The following OSBPL8 variants were observed in gnomAD, a reference collection of about 807,000 sequenced individuals.
OSBPL8 encodes the protein oxysterol-binding protein-related protein 8.
OSBPL8 carries 59 observed loss-of-function variants against 125.5 expected under a neutral mutation model. The ratio of observed to expected loss-of-function variants is 0.47; its 90% CI spans 0.38 to 0.58. The LOEUF is 0.58. Among genes scored for constraint, OSBPL8 ranks in the 20% least tolerant of loss-of-function variants. The pLI, the probability that OSBPL8 is intolerant of heterozygous loss-of-function variation, is 0.00. For missense variants in OSBPL8, 758 were observed against 1,047.8 expected (o/e 0.72, Z 3.82); for synonymous variants, 330 against 338.9 (o/e 0.97, Z 0.29).
intron 1 of OSBPL8, among the ~76,000 whole-genome samples, chr12:76,559,039 G>A (rs1446589438): frequency 2.6e-5 from 4 of 152,218 alleles, no homozygotes; most frequent in Admixed American, 2.6e-4. Flanking sequence ...GAGCGACAAA[G>A]CGCCAGCTCT....
intron 1 of OSBPL8, among the ~76,000 whole-genome samples, chr12:76,550,647 C>T (rs73385578): frequency 0.052 from 7,954 of 152,190 alleles, 536 homozygotes; most frequent in African/African-American, 0.16. Context: ...TGTGTTGGGC[C>T]GCATTCAAAA....
At chr12:76,367,627 TTTC>T (rs2136180420) in intron 21 of OSBPL8, among the ~76,000 whole-genome samples, 3 of 152,288 alleles carry the variant, frequency 2.0e-5, no homozygotes, top group South Asian at 2.1e-4. Flanking sequence ...ACGTTTTTTG[TTTC>T]TTATTTACTC....
intron 3 of OSBPL8, among the ~76,000 whole-genome samples, chr12:76,458,189 T>C (rs1252420504): frequency 6.6e-6 from 1 of 152,086 alleles, no homozygotes; most frequent in Non-Finnish European, 1.5e-5. Context: ...GGAAGATCGC[T>C]TGAGTCTAGG....
intron 1 of OSBPL8, among the ~76,000 whole-genome samples, chr12:76,530,109 G>A (rs1259253426): frequency 6.6e-6 from 1 of 151,810 alleles, no homozygotes; most frequent in Non-Finnish European, 1.5e-5. Flanking sequence ...TCAGGAGTGT[G>A]GTGGCAAGAT....
At chr12:76,440,848 A>G (rs2136657333) in intron 4 of OSBPL8, among the ~76,000 whole-genome samples, 1 of 152,300 alleles carries the variant, frequency 6.6e-6, no homozygotes, top group East Asian at 1.9e-4. Context: ...AGAAATTAGC[A>G]GATGCTGGCT....
At chr12:76,400,079 T>C (rs575804982) in intron 6 of OSBPL8, 105 bp from the exon 7 acceptor site, 1 of 779,644 alleles carries the variant, frequency 1.3e-6, no homozygotes, top group African/African-American at 1.8e-5. Flanking sequence ...TAAACCTGTG[T>C]CATGGGGTTT....
intron 2 of OSBPL8, among the ~76,000 whole-genome samples, chr12:76,478,985 T>G (rs1877146874): frequency 1.3e-5 from 2 of 152,134 alleles, no homozygotes; most frequent in South Asian, 4.1e-4. Context: ...CTCGGGAGGC[T>G]GAGGCAGGAG....
chr12:76,409,388 C>G (rs1350120089), intron 5 of OSBPL8, among the ~76,000 whole-genome samples: 1 of 152,200 alleles, frequency 6.6e-6, no homozygotes, highest in African/African-American at 2.4e-5. Context: ...CAACCTTTGT[C>G]CAATCATACT....
At chr12:76,517,600 A>C (rs1881677500) in intron 1 of OSBPL8, among the ~76,000 whole-genome samples, 1 of 152,204 alleles carries the variant, frequency 6.6e-6, no homozygotes, top group Non-Finnish European at 1.5e-5. Flanking sequence ...TCCGTTATGT[A>C]CTAGTCCAGT....
At chr12:76,434,714 G>A (rs1054028557) in intron 4 of OSBPL8, among the ~76,000 whole-genome samples, 11 of 152,086 alleles carry the variant, frequency 7.2e-5, no homozygotes, top group Non-Finnish European at 1.3e-4. Flanking sequence ...GACCTGAACA[G>A]GCATTTCTCA....
intron 2 of OSBPL8, among the ~76,000 whole-genome samples, chr12:76,482,092 T>C (rs1235182364): frequency 1.3e-5 from 2 of 152,192 alleles, no homozygotes; most frequent in African/African-American, 4.8e-5. Flanking sequence ...TTCCTTCCAC[T>C]TCAGAAAGCT....
intron 3 of OSBPL8, among the ~76,000 whole-genome samples, chr12:76,451,458 CTCTAATT>C (rs1365371532): frequency 6.6e-6 from 1 of 152,112 alleles, no homozygotes; most frequent in Non-Finnish European, 1.5e-5. Context: ...AGAATTTCTA[CTCTAATT>C]TCTAATTTTC....
At chr12:76,418,703 A>G (rs944310371) in intron 4 of OSBPL8, among the ~76,000 whole-genome samples, 2 of 151,922 alleles carry the variant, frequency 1.3e-5, no homozygotes, top group Non-Finnish European at 2.9e-5. Context: ...GTGGTAGCAC[A>G]TGCCTGTAAT....
At chr12:76,456,371 T>C (rs1018273168) in intron 3 of OSBPL8, among the ~76,000 whole-genome samples, 3 of 152,152 alleles carry the variant, frequency 2.0e-5, no homozygotes, top group African/African-American at 7.2e-5. Context: ...AATGTGTATT[T>C]AGGGACTGGG....
At chr12:76,503,224 T>C (rs1880083144) in intron 1 of OSBPL8, among the ~76,000 whole-genome samples, 1 of 152,208 alleles carries the variant, frequency 6.6e-6, no homozygotes, top group Non-Finnish European at 1.5e-5. Context: ...TATTTCCTCA[T>C]AGGTCTGGAG....
rs1394314151 is a variant in OSBPL8, at chr12:76,393,957, T to C, written c.757+688A>G. On this transcript the variant is annotated intron_variant, in intron 9 of 23. Transcript: ENST00000261183. ...ATCACTTATACCAGGGAGTCAGAGG[T>C]TGCAGTGAGCCGAGATCGTGCCACT... is the stretch of plus-strand genomic sequence containing the variant. Among the ~76,000 whole-genome samples the C allele has an allele frequency of 2.6e-5, 4 of 152,086 alleles. No homozygotes were observed. The East Asian group carries it at 7.7e-4, about 29-fold the overall frequency.
At chr12:76,417,225 G>A (rs1868795811) in intron 4 of OSBPL8, among the ~76,000 whole-genome samples, 1 of 152,188 alleles carries the variant, frequency 6.6e-6, no homozygotes, top group Admixed American at 6.5e-5. Flanking sequence ...CCTTTTGCCT[G>A]AAGTACACCT....
At position 76,408,551 on chromosome 12, in the gene OSBPL8, T is replaced by C. The variant is rs556239684; in HGVS notation, c.288+2013A>G. Among the ~76,000 whole-genome samples, 27 of 151,864 alleles carry C rather than the reference T, an allele frequency of 1.8e-4. 1 individual carries two copies. In the South Asian group the frequency reaches 5.4e-3, roughly 31 times the overall value. On this transcript the variant is annotated intron_variant, in intron 5 of 23. Coordinates refer to ENST00000261183, the MANE Select transcript of OSBPL8 (RefSeq NM_020841.5). ...GGTAATAGGAGAGTCAAGATTCAAA[T>C]TGACTCTTCACTTTAAAGCAGTGCT... is the stretch of plus-strand genomic sequence containing the variant.
At chr12:76,417,085 T>C (rs538721449) in intron 4 of OSBPL8, among the ~76,000 whole-genome samples, 2 of 152,326 alleles carry the variant, frequency 1.3e-5, no homozygotes, top group East Asian at 3.9e-4. Flanking sequence ...ATTGCAAATC[T>C]CTCTCTCTTC....
Sources: allele counts gnomAD v4.1 joint callset (sites outside exome capture counted in the v4.1 genomes callset), GRCh38; gene constraint gnomAD v4.1.1; transcripts MANE v1.5; gene names NCBI Gene and HGNC (gene_info 2026-07-23, HGNC 2026-07-21).